Variants in HPS4 observed in about 807,000 individuals in gnomAD.
HPS4 encodes the protein HPS4 biogenesis of lysosomal organelles complex 3 subunit 2.
Under a neutral mutation model 70.3 loss-of-function variants are expected in HPS4, and 44 were observed. The ratio of observed to expected loss-of-function variants is 0.63; its 90% CI spans 0.49 to 0.80. HPS4 has a LOEUF of 0.80. Ranked by LOEUF, HPS4 falls within the 30% of genes least tolerant of loss-of-function variation. The probability of loss-of-function intolerance (pLI) is 0.00; values close to 1 mark genes in which losing one functional copy is unlikely to be tolerated. For missense variants in HPS4, 873 were observed against 884.4 expected (o/e 0.99, Z 0.16); for synonymous variants, 377 against 355.9 (o/e 1.06, Z -0.67).
At chr22:26,449,891 C>T (rs986244065), downstream of HPS4, among the ~76,000 whole-genome samples, 10 of 152,328 alleles carry the variant, frequency 6.6e-5, no homozygotes, top group South Asian at 8.3e-4. Flanking sequence ...ATCAGTTTCA[C>T]GGGACCGAAT....
At chr22:26,472,500 T>C in intron 5 of HPS4, 82 bp from the exon 6 acceptor site, 4 of 933,340 alleles carry the variant, frequency 4.3e-6, no homozygotes, top group Non-Finnish European at 7.2e-6. Context: ...ACCTCAAAAA[T>C]TGTTCCTCAC....
Position 26,458,049 on chromosome 22 carries a change from G to C in HPS4, c.1847-82C>G, listed in dbSNP as rs771567240. On this transcript the variant is annotated intron_variant, in intron 12 of 13. Transcript: ENST00000398145. ...CCCCATGAAGCCCAGTACTGAACAC[G>C]GGGACTGAGCACGGCTCAAGGCCAT... 7 of 1,150,656 alleles carry C rather than the reference G, an allele frequency of 6.1e-6. No individual in the cohort carries two copies. In the South Asian group the frequency reaches 6.5e-5, roughly 11 times the overall value. 71.3% of individuals were successfully genotyped at this position (1,150,656 alleles called of 1,614,324 possible). A position where few individuals can be genotyped will look rare whatever the true frequency, so the allele number is the denominator to read the frequency against.
intron 3 of HPS4, among the ~76,000 whole-genome samples, chr22:26,445,340 A>G (rs75056772): frequency 6.6e-6 from 1 of 152,178 alleles, no homozygotes; most frequent in Non-Finnish European, 1.5e-5. Context: ...TCCAAAAAAA[A>G]AGACTTGCTA....
chr22:26,473,847 T>C (rs1401213497), intron 4 of HPS4, among the ~76,000 whole-genome samples: 1 of 152,220 alleles, frequency 6.6e-6, no homozygotes, highest in Admixed American at 6.5e-5. Context: ...TCTAGGAATC[T>C]GTCCTAAGGG....
At chr22:26,471,340 T>C (rs1276266533) in intron 6 of HPS4, 2 of 455,726 alleles carry the variant, frequency 4.4e-6, no homozygotes, top group South Asian at 3.1e-5. Context: ...CTCGGGGAAA[T>C]ATGCCTCAGT....
At chr22:26,483,818 C>G (rs1348691805), upstream of HPS4, 2 of 1,223,756 alleles carry the variant, frequency 1.6e-6, no homozygotes, top group African/African-American at 1.6e-5. Flanking sequence ...CTACCTCCCC[C>G]TCCAGCTCCT....
intron 5 of HPS4, 80 bp downstream of exon 5, chr22:26,472,752 C>G: frequency 1.9e-6 from 2 of 1,075,112 alleles, no homozygotes; most frequent in South Asian, 2.5e-5. Context: ...ATACAAGACC[C>G]CAGAGTAAGT....
intron 8 of HPS4, 103 bp from the exon 9 acceptor site, chr22:26,466,365 G>T: frequency 1.5e-6 from 2 of 1,311,750 alleles, no homozygotes; most frequent in Admixed American, 1.9e-5. Flanking sequence ...ACTTAGCCAG[G>T]CCCAGAAAGC....
At chr22:26,457,097 AC>A (rs2086266923) in intron 13 of HPS4, among the ~76,000 whole-genome samples, 2 of 152,126 alleles carry the variant, frequency 1.3e-5, no homozygotes, top group Admixed American at 1.3e-4. Context: ...AGCAATATAT[AC>A]CAAACTGTAA....
In HPS4 at chr22:26,464,412, G is replaced by A. The variant is rs751823743; in HGVS notation, c.1218C>T (p.Leu406=). 1.2e-6 allele frequency: 2 copies of A among 1,614,210 alleles called. No individual in the cohort carries two copies. The highest frequency in any genetic ancestry group is 1.3e-5 in the African/African-American group (1 of 75,068). Residue 406 remains leucine, a synonymous_variant, in exon 11 of 14, where the codon CTC becomes CTT. Transcript: ENST00000398145. Reference sequence around the variant, plus strand: ...TGGGTTCCAGGCTGCTGGAGGCGCTGAGAGATGCCTTGCAGTAAGGAGCCC... The same window carrying A: ...TGGGTTCCAGGCTGCTGGAGGCGCTAAGAGATGCCTTGCAGTAAGGAGCCC... ...DGRAPYCKAS[L]SASSSLEPTP... is the part of the protein sequence containing the mutation.
At position 26,481,606 on chromosome 22, in the gene HPS4, A is replaced by AT. The variant is rs1421929332; in HGVS notation, c.41+115dup. 37 of 992,224 alleles carry AT rather than the reference A, an allele frequency of 3.7e-5. No homozygotes were observed. The East Asian group carries it at 8.9e-4, about 24-fold the overall frequency. 61.5% of individuals were successfully genotyped at this position (992,224 alleles called of 1,614,324 possible). A position where few individuals can be genotyped will look rare whatever the true frequency, so the allele number is the denominator to read the frequency against. Reference sequence around the variant, plus strand: ...ATTCAGCTGCTCTGAGGAAAATGGCATTTTTATTGTTATGTTAATAAAATT... The same window carrying AT: ...ATTCAGCTGCTCTGAGGAAAATGGCATTTTTTATTGTTATGTTAATAAAATT... On this transcript the variant is annotated intron_variant, in intron 2 of 13. Coordinates refer to ENST00000398145, the MANE Select transcript of HPS4 (RefSeq NM_022081.6).
At chr22:26,456,169 C>T (rs980495349) in intron 13 of HPS4, among the ~76,000 whole-genome samples, 2 of 152,214 alleles carry the variant, frequency 1.3e-5, no homozygotes, top group Non-Finnish European at 2.9e-5. Flanking sequence ...GGCTCCCTGT[C>T]AGTCCACCAC....
chr22:26,457,943 G>C lies in HPS4; in HGVS notation c.1871C>G (p.Pro624Arg). The change falls in exon 13 of 14, where the codon CCG becomes CGG. Residue 624 changes from proline (P) to arginine (R), a missense_variant. Pro to Arg is a moderately radical substitution (Grantham distance 103). Transcript: ENST00000398145. ...LMANLPQVAT[P>R]QDRRFLQAVS... ...GGCCTGGAGGAAGCGGCGATCCTGC[G>C]GGGTGGCCACCTGCGGCAGGTTTGC... 6.2e-7 allele frequency: 1 copy of C among 1,613,572 alleles called. No individual in the cohort carries two copies.
chr22:26,471,269 T>C (rs2089759724), intron 6 of HPS4: 1 of 433,824 alleles, frequency 2.3e-6, no homozygotes, highest in Admixed American at 2.6e-5. Context: ...GGTGGCTTGA[T>C]GTCTGACCAG....
chr22:26,477,181 A>G (rs1307695188), intron 3 of HPS4, 45 bp from the exon 4 acceptor site: 1 of 1,609,620 alleles, frequency 6.2e-7, no homozygotes, highest in Non-Finnish European at 8.5e-7. Context: ...GAAATTCTTG[A>G]ACTCTTAAGT....
At chr22:26,443,194 T>C, downstream of HPS4, 1 of 1,613,996 alleles carries the variant, frequency 6.2e-7, no homozygotes, top group Non-Finnish European at 8.5e-7. Flanking sequence ...TCATCTTTGC[T>C]CCGGGACGAT....
intron 10 of HPS4, 97 bp downstream of exon 10, chr22:26,465,358 G>C (rs2088319968): frequency 1.2e-6 from 1 of 836,278 alleles, no homozygotes; most frequent in Non-Finnish European, 2.1e-6. Flanking sequence ...ATGGAATTAA[G>C]GAACGATGGG....
At chr22:26,458,364 G>C (rs879864443) in intron 12 of HPS4, 81 bp downstream of exon 12, 4 of 1,547,306 alleles carry the variant, frequency 2.6e-6, no homozygotes, top group Admixed American at 1.7e-5. Flanking sequence ...GTGTCATCAT[G>C]ATGCTGGGGC....
rs1285897079 is a variant in HPS4, at chr22:26,453,414, G to A, written c.1956-10C>T. ...AGCCGTGGAGGCATTTCTGTTGGAG[G>A]AAGAAAGAAGGCAACGGTCCAATGC... On this transcript the variant is annotated splice_polypyrimidine_tract_variant and intron_variant, in intron 13 of 13. Transcript: ENST00000398145. 1 of 1,613,576 alleles carries A rather than the reference G, an allele frequency of 6.2e-7. No individual in the cohort carries two copies. The highest frequency in any genetic ancestry group is 1.8e-4 in the Middle Eastern group (1 of 5,572).
Sources: gnomAD v4.1 joint callset for allele counts (sites outside exome capture counted in the v4.1 genomes callset) on GRCh38, gnomAD v4.1.1 for gene constraint, MANE v1.5 for transcripts, NCBI Gene and HGNC (gene_info 2026-07-23, HGNC 2026-07-21) for gene names.